Variants in SCNN1B observed in about 807,000 individuals in gnomAD.
The protein encoded by SCNN1B is sodium channel epithelial 1 subunit beta.
In SCNN1B, 46 loss-of-function variants were observed where a neutral mutation model predicts 65.3. That is an observed-to-expected ratio of 0.70 (90% CI 0.56 to 0.90). The LOEUF is 0.90. Among genes scored for constraint, SCNN1B ranks in the 40% least tolerant of loss-of-function variants. The pLI, the probability that SCNN1B is intolerant of heterozygous loss-of-function variation, is 0.00. For missense variants in SCNN1B, 751 were observed against 830.5 expected (o/e 0.90, Z 1.18); for synonymous variants, 349 against 330.6 (o/e 1.06, Z -0.60).
chr16:23,368,267 G>C (rs1962713654), intron 5 of SCNN1B, among the ~76,000 whole-genome samples: 1 of 152,188 alleles, frequency 6.6e-6, no homozygotes, highest in Non-Finnish European at 1.5e-5. Flanking sequence ...AGCCAGGCGT[G>C]GTGGCTCATG....
At chr16:23,300,527 ATT>A, upstream of SCNN1B, among the ~76,000 whole-genome samples, 2 of 147,096 alleles carry the variant, frequency 1.4e-5, no homozygotes, top group East Asian at 3.9e-4. Flanking sequence ...CTTCCCACTG[ATT>A]TTTTTTTTTT....
At chr16:23,370,247 A>G (rs1304274311) in intron 5 of SCNN1B, among the ~76,000 whole-genome samples, 1 of 152,132 alleles carries the variant, frequency 6.6e-6, no homozygotes, top group Non-Finnish European at 1.5e-5. Flanking sequence ...TTGGGATTAC[A>G]GGTGGCCGCC....
chr16:23,284,909 C>A (rs1960829579), intron 2 of SCNN1B, among the ~76,000 whole-genome samples: 1 of 152,148 alleles, frequency 6.6e-6, no homozygotes, highest in Admixed American at 6.6e-5. Context: ...GAGCCTGGGG[C>A]ATCTTGTTGG....
intron 4 of SCNN1B, among the ~76,000 whole-genome samples, chr16:23,367,239 G>A (rs1417150012): frequency 6.6e-6 from 1 of 152,210 alleles, no homozygotes; most frequent in African/African-American, 2.4e-5. Context: ...TGCCTCTTTT[G>A]AGGTGTATAC....
chr16:23,302,797 G>A (rs942739142), intron 1 of SCNN1B, among the ~76,000 whole-genome samples: 2 of 152,154 alleles, frequency 1.3e-5, no homozygotes, highest in African/African-American at 2.4e-5. Context: ...CGCTTTCTAC[G>A]TGCTGGGCAC....
chr16:23,346,792 G>C (rs983931735), intron 1 of SCNN1B, among the ~76,000 whole-genome samples: 2 of 149,790 alleles, frequency 1.3e-5, no homozygotes, highest in Non-Finnish European at 3.0e-5. Context: ...AGGACTCTCA[G>C]ACCTGGCCAG....
intron 1 of SCNN1B, among the ~76,000 whole-genome samples, chr16:23,339,279 C>T (rs1163712960): frequency 6.6e-6 from 1 of 151,720 alleles, no homozygotes; most frequent in Non-Finnish European, 1.5e-5. Flanking sequence ...TGTTGGTGGA[C>T]GTGTGGATTG....
chr16:23,376,365 T>C (rs1421019567), intron 8 of SCNN1B, among the ~76,000 whole-genome samples: 1 of 149,220 alleles, frequency 6.7e-6, no homozygotes, highest in Admixed American at 6.6e-5. Context: ...TGTGTGTGTG[T>C]GTGTGTGTGC....
At chr16:23,328,284 T>C (rs1220639993) in intron 1 of SCNN1B, among the ~76,000 whole-genome samples, 1 of 152,180 alleles carries the variant, frequency 6.6e-6, no homozygotes, top group East Asian at 1.9e-4. Flanking sequence ...GCATCCAACC[T>C]GTGATTTTGT....
chr16:23,303,850 T>C (rs1961137407), intron 1 of SCNN1B: 2 of 572,594 alleles, frequency 3.5e-6, no homozygotes, highest in Non-Finnish European at 6.3e-6. Flanking sequence ...ACCCAGGAGG[T>C]GGAGGTTGCA....
At chr16:23,287,284 C>T (rs183114455) in intron 2 of SCNN1B, among the ~76,000 whole-genome samples, 125 of 152,074 alleles carry the variant, frequency 8.2e-4, no homozygotes, top group African/African-American at 2.9e-3. Context: ...GGATTACAGG[C>T]ATGAGCCACC....
At chr16:23,302,698 C>T (rs569406424) in intron 1 of SCNN1B, among the ~76,000 whole-genome samples, 1 of 152,286 alleles carries the variant, frequency 6.6e-6, no homozygotes, top group South Asian at 2.1e-4. Context: ...CCCGGCGTGT[C>T]TGGGACCTCA....
chr16:23,380,001 C>T lies in SCNN1B; in HGVS notation c.1467-93C>T. 3.3e-6 allele frequency: 3 copies of T among 920,816 alleles called. No individual in the cohort carries two copies. The highest frequency in any genetic ancestry group is 4.8e-5 in the East Asian group (2 of 41,740). The allele number at this position is 920,816 out of a possible 1,614,324, so 57.0% of individuals were successfully genotyped here. On this transcript the variant is annotated intron_variant, in intron 11 of 12. Transcript: ENST00000343070. The surrounding 1 kb of genome is among the most constrained non-coding windows in gnomAD (Gnocchi z 5.4). ...GCATACATGTGGGTGTGTGCACGTG[C>T]ATGTGTGTGCATGTGTCTATGTGCG...
At chr16:23,367,453 C>T (rs1962691992) in intron 4 of SCNN1B, among the ~76,000 whole-genome samples, 2 of 152,152 alleles carry the variant, frequency 1.3e-5, no homozygotes, top group Admixed American at 1.3e-4. Context: ...TGCACCACCA[C>T]ACCTGGCTAA....
At chr16:23,287,074 C>T (rs1273382289) in intron 2 of SCNN1B, among the ~76,000 whole-genome samples, 3 of 150,796 alleles carry the variant, frequency 2.0e-5, no homozygotes, top group East Asian at 3.9e-4. Flanking sequence ...GGGTGATCTC[C>T]ACTCACTGCA....
At chr16:23,339,587 A>T (rs1962012567) in intron 1 of SCNN1B, among the ~76,000 whole-genome samples, 1 of 151,102 alleles carries the variant, frequency 6.6e-6, no homozygotes, top group Non-Finnish European at 1.5e-5. Context: ...TTATTTTGAG[A>T]TGGAGTCTCA....
chr16:23,360,188 A>G (rs1479484254), intron 4 of SCNN1B, among the ~76,000 whole-genome samples: 1 of 151,576 alleles, frequency 6.6e-6, no homozygotes, highest in Non-Finnish European at 1.5e-5. Context: ...AGAGAGCGAG[A>G]CTCCATCTCA....
intron 2 of SCNN1B, among the ~76,000 whole-genome samples, chr16:23,352,266 T>A (rs1962324758): frequency 6.6e-6 from 1 of 152,196 alleles, no homozygotes; most frequent in Admixed American, 6.5e-5. Context: ...GAAAGATGGA[T>A]GCATGGGTGG....
chr16:23,304,884 G>C (rs1392091865), intron 1 of SCNN1B, among the ~76,000 whole-genome samples: 1 of 152,144 alleles, frequency 6.6e-6, no homozygotes, highest in Non-Finnish European at 1.5e-5. Context: ...TCCCCAAACT[G>C]TTAGGTGGAT....
Sources: allele counts gnomAD v4.1 joint callset (sites outside exome capture counted in the v4.1 genomes callset), GRCh38; gene constraint gnomAD v4.1.1; non-coding constraint Gnocchi (gnomAD v3.1); transcripts MANE v1.5; gene names NCBI Gene and HGNC (gene_info 2026-07-23, HGNC 2026-07-21).